CNTN5: variants seen among roughly 807,000 people sequenced by gnomAD.
CNTN5 encodes the protein contactin 5.
In CNTN5, 77 loss-of-function variants were observed where a neutral mutation model predicts 129.1. The observed-to-expected ratio is 0.60, with a 90% CI of 0.50 to 0.72. CNTN5 has a LOEUF of 0.72. Ranked by LOEUF, CNTN5 falls within the 30% of genes least tolerant of loss-of-function variation. CNTN5 has a pLI of 0.00. For missense variants in CNTN5, 1,478 were observed against 1,328.8 expected, an observed-to-expected ratio of 1.11 and a Z score of -1.75; for synonymous variants, 509 against 465.6, an observed-to-expected ratio of 1.09 and a Z score of -1.20.
In CNTN5 at chr11:99,679,592, C is replaced by T. The variant is rs116660129; in HGVS notation, c.55+123323C>T. 5.7e-3 allele frequency among the ~76,000 whole-genome samples: 874 copies of T among 152,218 alleles called. 9 individuals are homozygous for T. Among genetic ancestry groups the T allele is most frequent in the African/African-American group, 0.02 (827 of 41,548 alleles). ...AACACTGCATGTGTTCTGACTGCTC[C>T]ACTGCAGGCCACTTTTTCCTGTCCC... On this transcript the variant is annotated intron_variant, in intron 3 of 24. Coordinates refer to ENST00000524871, the MANE Select transcript of CNTN5 (RefSeq NM_014361.4).
chr11:99,743,599 C>G (rs569207652), intron 3 of CNTN5, among the ~76,000 whole-genome samples: 59 of 152,264 alleles, frequency 3.9e-4, no homozygotes, highest in African/African-American at 1.4e-3. Flanking sequence ...CTTACACCAT[C>G]ATACATAGCA....
chr11:99,158,860 C>T (rs1860459815), intron 1 of CNTN5, among the ~76,000 whole-genome samples: 1 of 151,954 alleles, frequency 6.6e-6, no homozygotes, highest in Non-Finnish European at 1.5e-5. Context: ...AAAGTAAATA[C>T]AAGGCTTCAG....
At chr11:99,586,323 A>T (rs2135644528) in intron 3 of CNTN5, among the ~76,000 whole-genome samples, 1 of 152,154 alleles carries the variant, frequency 6.6e-6, no homozygotes, top group East Asian at 1.9e-4. Context: ...AATAACTGAC[A>T]TAACTCAGCA....
At chr11:99,699,524 T>C (rs1005935101) in intron 3 of CNTN5, among the ~76,000 whole-genome samples, 1 of 151,472 alleles carries the variant, frequency 6.6e-6, no homozygotes, top group African/African-American at 2.4e-5. Flanking sequence ...GAAAAAGTAA[T>C]GAATAAACAA....
At chr11:100,250,948 A>T (rs1223300272) in intron 16 of CNTN5, among the ~76,000 whole-genome samples, 1 of 152,170 alleles carries the variant, frequency 6.6e-6, no homozygotes, top group East Asian at 1.9e-4. Context: ...CTTTGAAGAG[A>T]TGAATAAATA....
At chr11:100,157,125 C>A (rs1372908963) in intron 13 of CNTN5, among the ~76,000 whole-genome samples, 2 of 151,788 alleles carry the variant, frequency 1.3e-5, no homozygotes, top group Non-Finnish European at 2.9e-5. Flanking sequence ...CTTTTTATCA[C>A]TTTTCTTAAT....
chr11:100,283,223 C>G (rs992736705), intron 18 of CNTN5, among the ~76,000 whole-genome samples: 1 of 152,150 alleles, frequency 6.6e-6, no homozygotes, highest in Non-Finnish European at 1.5e-5. Context: ...AAATGTCATA[C>G]AGGAGCTAGG....
chr11:99,681,633 A>G (rs892886772), intron 3 of CNTN5, among the ~76,000 whole-genome samples: 1 of 152,088 alleles, frequency 6.6e-6, no homozygotes, highest in Non-Finnish European at 1.5e-5. Context: ...TAAGCACTGG[A>G]TGCCAAAAAA....
chr11:100,269,933 A>G (rs770702244), intron 17 of CNTN5, among the ~76,000 whole-genome samples: 1 of 152,124 alleles, frequency 6.6e-6, no homozygotes, highest in African/African-American at 2.4e-5. Context: ...TCTCTTTTGT[A>G]TGTTTGTCAA....
intron 6 of CNTN5, 35 bp from the exon 7 acceptor site, chr11:99,916,019 C>T (rs2136012470): frequency 6.7e-7 from 1 of 1,497,594 alleles, no homozygotes; most frequent in Admixed American, 1.8e-5. Flanking sequence ...ACATTCTTTT[C>T]TGCCTTGGAT....
chr11:99,126,067 A>T (rs892598478), intron 1 of CNTN5, among the ~76,000 whole-genome samples: 1 of 152,158 alleles, frequency 6.6e-6, no homozygotes, highest in Non-Finnish European at 1.5e-5. Flanking sequence ...GATAATAGTA[A>T]TTTAACCAGG....
chr11:99,777,324 T>G (rs1945158001), intron 3 of CNTN5, among the ~76,000 whole-genome samples: 1 of 151,868 alleles, frequency 6.6e-6, no homozygotes, highest in Non-Finnish European at 1.5e-5. Flanking sequence ...GTGCATCTCA[T>G]CAAAGAAATA....
chr11:99,207,912 C>T (rs1859564869), intron 1 of CNTN5, among the ~76,000 whole-genome samples: 1 of 152,256 alleles, frequency 6.6e-6, no homozygotes, highest in South Asian at 2.1e-4. Context: ...TTTAGCTCGG[C>T]TTTGAGTTAT....
chr11:99,946,750 A>G (rs897579310), intron 7 of CNTN5, among the ~76,000 whole-genome samples: 9 of 151,910 alleles, frequency 5.9e-5, no homozygotes, highest in East Asian at 3.9e-4. Flanking sequence ...AAATATGACA[A>G]TTTTTTCCAA....
chr11:99,932,693 T>C (rs1591441438), intron 7 of CNTN5, among the ~76,000 whole-genome samples: 2 of 152,188 alleles, frequency 1.3e-5, no homozygotes, highest in South Asian at 4.1e-4. Context: ...AATGAGATGA[T>C]ATATGTAAAG....
At chr11:99,092,258 A>T (rs920357929) in intron 1 of CNTN5, among the ~76,000 whole-genome samples, 1 of 152,154 alleles carries the variant, frequency 6.6e-6, no homozygotes, top group African/African-American at 2.4e-5. Flanking sequence ...AGTCCAATCC[A>T]TCTCAGATTA....
At chr11:99,623,694 A>G (rs1289868788) in intron 3 of CNTN5, among the ~76,000 whole-genome samples, 1 of 150,622 alleles carries the variant, frequency 6.6e-6, no homozygotes, top group Non-Finnish European at 1.5e-5. Context: ...AACTAGTTTT[A>G]CCAACAAACA....
chr11:99,970,463 A>T (rs1951218737), intron 8 of CNTN5, among the ~76,000 whole-genome samples: 1 of 152,218 alleles, frequency 6.6e-6, no homozygotes, highest in Admixed American at 6.5e-5. Flanking sequence ...ACTTAATCTT[A>T]GACAACCGAC....
At chr11:99,197,142 T>C (rs1858942070) in intron 1 of CNTN5, among the ~76,000 whole-genome samples, 1 of 151,986 alleles carries the variant, frequency 6.6e-6, no homozygotes, top group Admixed American at 6.6e-5. Context: ...TTTTACAAAT[T>C]GGACACATAC....
Sources: gnomAD v4.1 joint callset for allele counts (sites outside exome capture counted in the v4.1 genomes callset) on GRCh38, gnomAD v4.1.1 for gene constraint, MANE v1.5 for transcripts, NCBI Gene and HGNC (gene_info 2026-07-23, HGNC 2026-07-21) for gene names.